Variants in SDK1 observed in about 807,000 individuals in gnomAD.
SDK1 encodes protein sidekick-1.
Under a neutral mutation model 245.5 loss-of-function variants are expected in SDK1, and 157 were observed. That is an observed-to-expected ratio of 0.64 (90% CI 0.56 to 0.73). SDK1 has a LOEUF of 0.73. Ranked by LOEUF, SDK1 falls within the 30% of genes least tolerant of loss-of-function variation. The pLI, the probability that SDK1 is intolerant of heterozygous loss-of-function variation, is 0.00. For synonymous variants in SDK1, 1,647 were observed against 1,278.5 expected, an observed-to-expected ratio of 1.29 and a Z score of -6.15; for missense variants, 3,583 against 3,002.3, an observed-to-expected ratio of 1.19 and a Z score of -4.52.
intron 4 of SDK1, among the ~76,000 whole-genome samples, chr7:3,708,928 C>T (rs1245437791): frequency 6.6e-6 from 1 of 152,200 alleles, no homozygotes; most frequent in Non-Finnish European, 1.5e-5. Flanking sequence ...GCACTTAGGC[C>T]ATTTACATTT....
At chr7:3,612,563 C>A (rs1022738898) in intron 1 of SDK1, among the ~76,000 whole-genome samples, 8 of 152,176 alleles carry the variant, frequency 5.3e-5, no homozygotes, top group Non-Finnish European at 1.0e-4. Context: ...ACAAATGATA[C>A]ATTCTGCCCT....
At chr7:3,447,143 A>G (rs892913879) in intron 1 of SDK1, among the ~76,000 whole-genome samples, 3 of 152,196 alleles carry the variant, frequency 2.0e-5, no homozygotes, top group Non-Finnish European at 2.9e-5. Context: ...GAGATTTATA[A>G]TTCAGTATTG....
intron 25 of SDK1, among the ~76,000 whole-genome samples, chr7:4,116,022 G>A (rs1165615874): frequency 6.6e-6 from 1 of 152,148 alleles, no homozygotes; most frequent in Non-Finnish European, 1.5e-5. Context: ...GCTTTGGGGG[G>A]CTGCCATCCT....
intron 1 of SDK1, among the ~76,000 whole-genome samples, chr7:3,406,071 C>T (rs1314205082): frequency 6.6e-6 from 1 of 152,148 alleles, no homozygotes; most frequent in African/African-American, 2.4e-5. Flanking sequence ...CCTTGGCCTC[C>T]CAAAGTGCTG....
intron 2 of SDK1, among the ~76,000 whole-genome samples, chr7:3,623,088 G>A (rs1781994753): frequency 6.6e-6 from 1 of 151,998 alleles, no homozygotes; most frequent in African/African-American, 2.4e-5. Flanking sequence ...CACCTTAACA[G>A]GACCCTTATT....
At chr7:4,106,284 TC>T (rs1424390399) in intron 22 of SDK1, among the ~76,000 whole-genome samples, 1 of 148,900 alleles carries the variant, frequency 6.7e-6, no homozygotes, top group Non-Finnish European at 1.5e-5. Context: ...CGCCCCACTG[TC>T]CCCCGTTTCT....
chr7:4,132,524 C>T, intron 28 of SDK1, 101 bp downstream of exon 28: 2 of 749,200 alleles, frequency 2.7e-6, no homozygotes, highest in Admixed American at 2.1e-5. Flanking sequence ...GAGTTCAAGA[C>T]CAGCCTGGGC....
chr7:3,648,401 C>G (rs1487907749), intron 4 of SDK1, among the ~76,000 whole-genome samples: 2 of 152,042 alleles, frequency 1.3e-5, no homozygotes, highest in African/African-American at 4.8e-5. Context: ...TGTTTTTTTC[C>G]TGGAAATGCA....
chr7:3,463,120 A>T (rs1780884437), intron 1 of SDK1, among the ~76,000 whole-genome samples: 1 of 152,082 alleles, frequency 6.6e-6, no homozygotes, highest in Non-Finnish European at 1.5e-5. Context: ...CCTGTGCTTT[A>T]GATCTTAACA....
chr7:3,313,330 C>A (rs1243106414), intron 1 of SDK1, among the ~76,000 whole-genome samples: 1 of 152,142 alleles, frequency 6.6e-6, no homozygotes, highest in Non-Finnish European at 1.5e-5. Flanking sequence ...TTGCTTGAAC[C>A]CTGGAGGCGG....
At chr7:4,149,055 A>AAAAACAAAACAAAAC (rs59907207) in intron 29 of SDK1, among the ~76,000 whole-genome samples, 6,976 of 151,454 alleles carry the variant, frequency 0.046, 360 homozygotes, top group South Asian at 0.13. Flanking sequence ...ACTCTGTCTC[A>AAAAACAAAACAAAAC]AAAACAAAAC....
At chr7:4,004,838 T>G (rs1167774887) in intron 14 of SDK1, among the ~76,000 whole-genome samples, 1 of 151,762 alleles carries the variant, frequency 6.6e-6, no homozygotes, top group African/African-American at 2.4e-5. Context: ...AAAAGAAAGG[T>G]CTTTTTACAC....
chr7:4,266,767 A>T lies in SDK1; in HGVS notation c.*1383A>T. The T allele has an allele frequency of 1.0e-6, 1 of 985,428 alleles. No individual in the cohort carries two copies. Among genetic ancestry groups the T allele is most frequent in the African/African-American group, 1.7e-5 (1 of 57,358 alleles). 61.0% of individuals were successfully genotyped at this position (985,428 alleles called of 1,614,324 possible). On this transcript the variant is annotated 3_prime_UTR_variant, in exon 45 of 45. Coordinates refer to ENST00000404826, the MANE Select transcript of SDK1 (RefSeq NM_152744.4). ...TCCCGGGTCTGGATGGAACGGGAGC[A>T]CTGCTGGTGCCCACTGGCGTGTGTG... is the stretch of plus-strand genomic sequence containing the variant.
At chr7:4,066,806 C>G (rs1044607802) in intron 19 of SDK1, among the ~76,000 whole-genome samples, 3 of 152,226 alleles carry the variant, frequency 2.0e-5, no homozygotes, top group Non-Finnish European at 2.9e-5. Flanking sequence ...CCTGCTGTCC[C>G]TGAGTCGCAG....
chr7:3,689,846 C>T (rs1486980727), intron 4 of SDK1, among the ~76,000 whole-genome samples: 1 of 152,192 alleles, frequency 6.6e-6, no homozygotes, highest in African/African-American at 2.4e-5. Context: ...CCCATATCTG[C>T]CAAATTACCT....
chr7:3,974,235 T>C, intron 12 of SDK1, 134 bp from the exon 13 acceptor site: 1 of 656,672 alleles, frequency 1.5e-6, no homozygotes, highest in Admixed American at 3.2e-5. Flanking sequence ...ATCACTCTTT[T>C]AAAGAGCACA....
chr7:3,549,295 T>A (rs961964414), intron 1 of SDK1, among the ~76,000 whole-genome samples: 1 of 152,220 alleles, frequency 6.6e-6, no homozygotes, highest in Non-Finnish European at 1.5e-5. Context: ...ACCACCGGGT[T>A]GACACAGTAT....
At chr7:3,848,318 T>C (rs1780331770) in intron 5 of SDK1, among the ~76,000 whole-genome samples, 2 of 152,220 alleles carry the variant, frequency 1.3e-5, no homozygotes, top group Non-Finnish European at 2.9e-5. Flanking sequence ...AAGGATGTTA[T>C]TTTAAAAATC....
chr7:4,195,884 G>T (rs1276802774), intron 35 of SDK1, among the ~76,000 whole-genome samples: 1 of 152,076 alleles, frequency 6.6e-6, no homozygotes, highest in Non-Finnish European at 1.5e-5. Context: ...CCTTGGGAGG[G>T]TGCCTCCACC....
Sources: allele counts gnomAD v4.1 joint callset (sites outside exome capture counted in the v4.1 genomes callset), GRCh38; gene constraint gnomAD v4.1.1; transcripts MANE v1.5; gene names NCBI Gene and HGNC (gene_info 2026-07-23, HGNC 2026-07-21).